TRDN: variants seen among roughly 807,000 people sequenced by gnomAD.
TRDN encodes the protein triadin.
In TRDN, 161 loss-of-function variants were observed where a neutral mutation model predicts 149.7. The observed-to-expected ratio is 1.08, with a 90% CI of 0.95 to 1.23. TRDN has a LOEUF of 1.23. Among genes scored for constraint, TRDN ranks in the 50% most tolerant of loss-of-function variants. TRDN has a pLI of 0.00. For missense variants in TRDN, 896 were observed against 823.5 expected, an observed-to-expected ratio of 1.09 and a Z score of -1.08; for synonymous variants, 294 against 250.5, an observed-to-expected ratio of 1.17 and a Z score of -1.64.
intron 1 of TRDN, among the ~76,000 whole-genome samples, chr6:123,625,742 C>A (rs933592550): frequency 2.0e-5 from 3 of 152,062 alleles, no homozygotes; most frequent in African/African-American, 7.2e-5. Flanking sequence ...TCTGAGCCAA[C>A]AAGATTGAAA....
At chr6:123,565,663 A>G (rs995701170) in intron 2 of TRDN, among the ~76,000 whole-genome samples, 4 of 152,194 alleles carry the variant, frequency 2.6e-5, no homozygotes, top group African/African-American at 9.7e-5. Flanking sequence ...AGGTTGGTGT[A>G]GGGCAGGTGC....
At chr6:123,393,544 A>G in intron 13 of TRDN, 80 bp downstream of exon 13, 1 of 1,342,726 alleles carries the variant, frequency 7.4e-7, no homozygotes, top group African/African-American at 1.5e-5. Flanking sequence ...ATTCTGCAAT[A>G]AACAGCTTTT....
chr6:123,628,807 G>T (rs542577450), intron 1 of TRDN, among the ~76,000 whole-genome samples: 1 of 151,930 alleles, frequency 6.6e-6, no homozygotes, highest in African/African-American at 2.4e-5. Flanking sequence ...CATTCAATTT[G>T]GTACGTAATA....
intron 31 of TRDN, among the ~76,000 whole-genome samples, chr6:123,268,760 G>C (rs1053464879): frequency 6.6e-6 from 1 of 151,864 alleles, no homozygotes; most frequent in Non-Finnish European, 1.5e-5. Flanking sequence ...AAACTTCCAT[G>C]AACTGAATTT....
chr6:123,513,425 C>A (rs997783739), intron 6 of TRDN, among the ~76,000 whole-genome samples: 3 of 151,750 alleles, frequency 2.0e-5, no homozygotes, highest in Non-Finnish European at 4.4e-5. Context: ...AATTTAAGGG[C>A]AAAAATTCCT....
At chr6:123,629,428 C>T (rs964434688) in intron 1 of TRDN, among the ~76,000 whole-genome samples, 2 of 152,062 alleles carry the variant, frequency 1.3e-5, no homozygotes, top group African/African-American at 2.4e-5. Context: ...GCAGCAAATG[C>T]GTAGCAAAGA....
intron 20 of TRDN, among the ~76,000 whole-genome samples, chr6:123,363,992 C>G (rs1410531520): frequency 6.6e-6 from 1 of 152,156 alleles, no homozygotes; most frequent in East Asian, 1.9e-4. Flanking sequence ...CAAACTGTGT[C>G]CAAAAGAGGC....
rs1781598055 is a variant in TRDN at position 123,378,551 on chromosome 6, A to G, written c.1187-653T>C. On this transcript the variant is annotated intron_variant, in intron 16 of 40. Transcript: ENST00000334268. ...AGGCTGGTCTCAAACTTCTGGGCTCAAGAGGTCCACCCACCTCAGCCTCTC... is the reference window on the plus strand; with the variant it reads ...AGGCTGGTCTCAAACTTCTGGGCTCGAGAGGTCCACCCACCTCAGCCTCTC... Among the ~76,000 whole-genome samples the G allele has an allele frequency of 1.3e-5, 2 of 151,328 alleles. 1 individual carries two copies. The highest frequency in any genetic ancestry group is 1.3e-4 in the Admixed American group (2 of 15,162).
chr6:123,549,706 G>A (rs1781293670), intron 2 of TRDN, among the ~76,000 whole-genome samples: 1 of 152,000 alleles, frequency 6.6e-6, no homozygotes, highest in Non-Finnish European at 1.5e-5. Flanking sequence ...CTGGGAACAG[G>A]GAGATGAGTA....
chr6:123,523,605 T>A (rs1353062677), intron 5 of TRDN, among the ~76,000 whole-genome samples: 1 of 152,078 alleles, frequency 6.6e-6, no homozygotes, highest in Non-Finnish European at 1.5e-5. Context: ...TGTCACAATT[T>A]AATTGAGAGA....
chr6:123,284,640 A>G (rs952276991), intron 24 of TRDN, among the ~76,000 whole-genome samples: 9 of 152,110 alleles, frequency 5.9e-5, no homozygotes, highest in Admixed American at 4.6e-4. Context: ...CTTCTGTTCA[A>G]CATAGTACTG....
At chr6:123,269,065 G>A (rs186952635) in intron 31 of TRDN, among the ~76,000 whole-genome samples, 5 of 152,032 alleles carry the variant, frequency 3.3e-5, no homozygotes, top group African/African-American at 9.6e-5. Flanking sequence ...TTGACCAACA[G>A]CCATTCATGC....
intron 5 of TRDN, among the ~76,000 whole-genome samples, chr6:123,524,540 G>A (rs567197777): frequency 2.6e-5 from 4 of 152,110 alleles, no homozygotes; most frequent in Admixed American, 2.0e-4. Flanking sequence ...TATATCTTAA[G>A]GGAATGATGG....
intron 2 of TRDN, among the ~76,000 whole-genome samples, chr6:123,562,059 G>T (rs1050361953): frequency 1.3e-5 from 2 of 151,974 alleles, no homozygotes; most frequent in Non-Finnish European, 2.9e-5. Flanking sequence ...AAAATGTCCG[G>T]TCCCTGCCTT....
At chr6:123,456,468 AT>A (rs909060844) in intron 10 of TRDN, among the ~76,000 whole-genome samples, 18 of 146,710 alleles carry the variant, frequency 1.2e-4, no homozygotes, top group South Asian at 2.3e-4. Flanking sequence ...TGAAGCAGGC[AT>A]TTTTTTTTTC....
chr6:123,396,782 A>AT (rs1266152194), intron 12 of TRDN, among the ~76,000 whole-genome samples: 2 of 152,194 alleles, frequency 1.3e-5, no homozygotes, highest in African/African-American at 4.8e-5. Flanking sequence ...TAAAGAGCCA[A>AT]TTTTTGCACA....
At position 123,547,351 on chromosome 6, in the gene TRDN, A is replaced by G; in HGVS notation, c.413T>C (p.Leu138Ser). Residue 138 changes from leucine (L) to serine (S), a missense_variant, in exon 4 of 41, where the codon TTG (leucine) becomes TCG (serine). Physicochemically the swap from Leu to Ser is moderately radical, Grantham distance 145 (BLOSUM62 -2). Transcript: ENST00000334268. ...TDKGEIDEPP[L>S]RKKEIHKDKT... is the part of the protein sequence containing the mutation. ...TGAAAACAACTAACCTTTTTTTCTC[A>G]AGGGAGGCTCATCTATTTCTCCTAG... The G allele has an allele frequency of 3.4e-6, 5 of 1,463,996 alleles. No individual in the cohort carries two copies. The highest frequency in any genetic ancestry group is 4.5e-6 in the Non-Finnish European group (5 of 1,101,846). 90.7% of individuals were successfully genotyped at this position (1,463,996 alleles called of 1,614,324 possible). A position where few individuals can be genotyped will look rare whatever the true frequency, so the allele number is the denominator to read the frequency against.
Position 123,218,562 on chromosome 6 carries a change from T to C in TRDN, c.*39A>G, listed in dbSNP as rs554197832. 1.2e-5 allele frequency: 19 copies of C among 1,574,660 alleles called. No individual in the cohort carries two copies. In the South Asian group the frequency reaches 1.9e-4, roughly 15 times the overall value. On this transcript the variant is annotated 3_prime_UTR_variant, in exon 41 of 41. Coordinates refer to ENST00000334268, the MANE Select transcript of TRDN (RefSeq NM_006073.4). ...TACTGTGGACAAAACATCACATTTT[T>C]AAAATCTTAAAGCACTTGTAAGGGT... is the stretch of plus-strand genomic sequence containing the variant.
intron 9 of TRDN, among the ~76,000 whole-genome samples, chr6:123,465,319 T>A (rs1275085522): frequency 1.3e-5 from 2 of 151,964 alleles, no homozygotes; most frequent in Non-Finnish European, 2.9e-5. Flanking sequence ...TTATGGAAAC[T>A]AAAATCTCAG....
Sources: gnomAD v4.1 joint callset for allele counts (sites outside exome capture counted in the v4.1 genomes callset) on GRCh38, gnomAD v4.1.1 for gene constraint, MANE v1.5 for transcripts, NCBI Gene and HGNC (gene_info 2026-07-23, HGNC 2026-07-21) for gene names.